MDGA2: variants seen among roughly 807,000 people sequenced by gnomAD.
The protein encoded by MDGA2 is MAM domain-containing glycosylphosphatidylinositol anchor protein 2.
In MDGA2, 40 loss-of-function variants were observed where a neutral mutation model predicts 117.8. The observed-to-expected ratio is 0.34, with a 90% CI of 0.26 to 0.44. The LOEUF (loss-of-function observed/expected upper bound fraction) is 0.44, where lower values mean the gene tolerates loss of function less well. MDGA2 is among the 20% of genes least tolerant of loss of function. The pLI is 1.00. For missense variants in MDGA2, 1,123 were observed against 1,250.6 expected (o/e 0.90, Z 1.54); for synonymous variants, 452 against 439.0 (o/e 1.03, Z -0.37).
intron 8 of MDGA2, among the ~76,000 whole-genome samples, chr14:46,987,812 T>C (rs1295727308): frequency 1.3e-5 from 2 of 150,800 alleles, no homozygotes; most frequent in African/African-American, 4.9e-5. Context: ...AATATAATAA[T>C]ATAAAACTGT....
chr14:47,163,662 GC>G (rs1483432985), intron 3 of MDGA2, among the ~76,000 whole-genome samples: 1 of 152,154 alleles, frequency 6.6e-6, no homozygotes, highest in Non-Finnish European at 1.5e-5. Flanking sequence ...ATCTTTATCA[GC>G]AGCATGAAAA....
At chr14:47,391,899 T>C (rs903452784) in intron 1 of MDGA2, among the ~76,000 whole-genome samples, 1 of 152,150 alleles carries the variant, frequency 6.6e-6, no homozygotes, top group African/African-American at 2.4e-5. Flanking sequence ...AAAAGTTATT[T>C]TAAACTGACA....
intron 6 of MDGA2, among the ~76,000 whole-genome samples, chr14:47,071,120 T>C (rs928659833): frequency 2.0e-5 from 3 of 152,212 alleles, no homozygotes; most frequent in Non-Finnish European, 4.4e-5. Flanking sequence ...GTCTAGGGAA[T>C]TCGTTGCTAC....
At chr14:47,200,521 TTC>T (rs1198364880) in intron 3 of MDGA2, 2 of 626,108 alleles carry the variant, frequency 3.2e-6, no homozygotes, top group Non-Finnish European at 5.0e-6. Flanking sequence ...CTTTTCTTTT[TTC>T]TTTTTCTTTT....
chr14:47,104,599 G>A (rs1467269416), intron 5 of MDGA2, among the ~76,000 whole-genome samples: 4 of 151,186 alleles, frequency 2.6e-5, no homozygotes, highest in Non-Finnish European at 4.4e-5. Context: ...GACTCAGCCT[G>A]CCTGCACCCA....
At position 47,655,001 on chromosome 14, in the gene MDGA2, C is replaced by G. The variant is rs150446476; in HGVS notation, c.280+19516G>C. Among the ~76,000 whole-genome samples, 950 of 152,090 alleles carry G rather than the reference C, an allele frequency of 6.2e-3. 12 individuals are homozygous for G. Among genetic ancestry groups the G allele is most frequent in the African/African-American group, 0.022 (897 of 41,496 alleles). ...GATGATAATGTTGCTAGGATAAAGA[C>G]AGTATGGCATTCTAGACAAAATGTA... is the stretch of plus-strand genomic sequence containing the variant. On this transcript the variant is annotated intron_variant, in intron 1 of 16. Transcript: ENST00000399232.
chr14:47,122,376 T>G (rs955792331), intron 5 of MDGA2, among the ~76,000 whole-genome samples: 2 of 151,990 alleles, frequency 1.3e-5, no homozygotes, highest in Non-Finnish European at 2.9e-5. Flanking sequence ...GTAGGCTGGA[T>G]AGTGGATTTT....
At chr14:47,047,554 A>C (rs899195077) in intron 7 of MDGA2, among the ~76,000 whole-genome samples, 1 of 152,074 alleles carries the variant, frequency 6.6e-6, no homozygotes, top group African/African-American at 2.4e-5. Flanking sequence ...AGTTTACGTA[A>C]AGTGAGCATA....
chr14:47,375,070 T>C (rs1360171758), intron 1 of MDGA2, among the ~76,000 whole-genome samples: 1 of 151,968 alleles, frequency 6.6e-6, no homozygotes. Flanking sequence ...ACTTAACCTT[T>C]CAAAACCTGT....
At chr14:47,397,809 C>G (rs2138452366) in intron 1 of MDGA2, among the ~76,000 whole-genome samples, 1 of 152,040 alleles carries the variant, frequency 6.6e-6, no homozygotes, top group South Asian at 2.1e-4. Context: ...AGGAGGTAAC[C>G]TTAGGGGCTA....
chr14:47,266,562 T>C (rs1197108164), intron 2 of MDGA2, among the ~76,000 whole-genome samples: 1 of 152,178 alleles, frequency 6.6e-6, no homozygotes, highest in African/African-American at 2.4e-5. Context: ...TGTCAATATC[T>C]TAATTAAAAT....
chr14:47,359,743 T>C (rs7141653), intron 1 of MDGA2, among the ~76,000 whole-genome samples: 49,336 of 126,278 alleles, frequency 0.39, 9,575 homozygotes, highest in Admixed American at 0.57. Context: ...AGAGCAAGAC[T>C]GTCTCAAAAA....
chr14:47,496,269 G>A (rs187146112), intron 1 of MDGA2, among the ~76,000 whole-genome samples: 149 of 152,186 alleles, frequency 9.8e-4, no homozygotes, highest in Admixed American at 4.3e-3. Context: ...TACAGACAGA[G>A]TTTCATGCTA....
chr14:47,212,831 C>A (rs1042054745), intron 3 of MDGA2, among the ~76,000 whole-genome samples: 8 of 152,066 alleles, frequency 5.3e-5, no homozygotes, highest in African/African-American at 1.9e-4. Flanking sequence ...ATTTTGTATA[C>A]TCAATTTTGT....
At chr14:46,980,098 C>T (rs969141922) in intron 8 of MDGA2, among the ~76,000 whole-genome samples, 4 of 152,156 alleles carry the variant, frequency 2.6e-5, no homozygotes, top group Non-Finnish European at 2.9e-5. Context: ...ATTCCAAAAT[C>T]CTAGGGCCCT....
chr14:47,365,868 C>T (rs1400381828), intron 1 of MDGA2, among the ~76,000 whole-genome samples: 1 of 152,164 alleles, frequency 6.6e-6, no homozygotes, highest in East Asian at 1.9e-4. Flanking sequence ...AATGCCATGC[C>T]AAGGCATATT....
chr14:47,041,743 C>A (rs975279932), intron 7 of MDGA2, among the ~76,000 whole-genome samples: 1 of 151,972 alleles, frequency 6.6e-6, no homozygotes, highest in African/African-American at 2.4e-5. Flanking sequence ...ATTTTCATTT[C>A]TTCATTGGGA....
rs147308661 is a variant in MDGA2, at chr14:47,198,101, G to C, written c.595+19920C>G. On this transcript the variant is annotated intron_variant, in intron 3 of 16. Transcript: ENST00000399232. ...TCATAGCCATGTAATTATATCTCTA[G>C]CTACAGATCTGTGCATATGAGCAAT... Among the ~76,000 whole-genome samples, 1,119 of 151,934 alleles carry C rather than the reference G, an allele frequency of 7.4e-3. 17 individuals are homozygous for C. Among genetic ancestry groups the C allele is most frequent in the African/African-American group, 0.026 (1,072 of 41,402 alleles).
intron 1 of MDGA2, among the ~76,000 whole-genome samples, chr14:47,526,131 C>T (rs901078160): frequency 3.9e-5 from 6 of 152,186 alleles, no homozygotes; most frequent in Admixed American, 3.3e-4. Context: ...GAAAATTCTC[C>T]ATCTTTTTCT....
Sources: allele counts gnomAD v4.1 joint callset (sites outside exome capture counted in the v4.1 genomes callset), GRCh38; gene constraint gnomAD v4.1.1; transcripts MANE v1.5; gene names NCBI Gene and HGNC (gene_info 2026-07-23, HGNC 2026-07-21).